Variants in ZC3H18 observed in about 807,000 individuals in gnomAD.
ZC3H18 encodes zinc finger CCCH-type containing 18.
ZC3H18 carries 8 observed loss-of-function variants against 106.1 expected under a neutral mutation model. That is an observed-to-expected ratio of 0.08 (90% CI 0.04 to 0.14). ZC3H18 has a LOEUF of 0.14. Among genes scored for constraint, ZC3H18 ranks in the 10% least tolerant of loss-of-function variants. The pLI is 1.00. For missense variants in ZC3H18, 1,318 were observed against 1,278.4 expected (o/e 1.03, Z -0.47); for synonymous variants, 635 against 522.1 (o/e 1.22, Z -2.95).
At position 88,622,219 on chromosome 16, in the gene ZC3H18, A is replaced by G; in HGVS notation, c.1498A>G (p.Lys500Glu). Reference sequence around the variant, plus strand: ...CAGCCGCCAAGCTGAGCCACCAAAGAAGGAGGCTGCCACCACGGGGCCGCA... The same window carrying G: ...CAGCCGCCAAGCTGAGCCACCAAAGGAGGAGGCTGCCACCACGGGGCCGCA... ...PPSRQAEPPK[K>E]EAATTGPQVK... is the part of the protein sequence containing the mutation. Residue 500 changes from lysine to glutamate, a missense_variant, in exon 9 of 18, where the codon AAG becomes GAG. Physicochemically the swap from Lys to Glu is moderately conservative, Grantham distance 56. Coordinates refer to ENST00000301011, the MANE Select transcript of ZC3H18 (RefSeq NM_144604.4). 1 of 1,610,476 alleles carries G rather than the reference A, an allele frequency of 6.2e-7. No homozygotes were observed. Among genetic ancestry groups the G allele is most frequent in the Non-Finnish European group, 8.5e-7 (1 of 1,177,562 alleles).
intron 2 of ZC3H18, among the ~76,000 whole-genome samples, chr16:88,582,547 G>A (rs1915199661): frequency 6.6e-6 from 1 of 152,136 alleles, no homozygotes; most frequent in African/African-American, 2.4e-5. Flanking sequence ...TCCACTTCAA[G>A]TGGGGTTCTC....
intron 10 of ZC3H18, 35 bp from the exon 11 acceptor site, chr16:88,623,923 C>G (rs759232535): frequency 6.3e-7 from 1 of 1,580,638 alleles, no homozygotes; most frequent in Non-Finnish European, 8.6e-7. Flanking sequence ...GAAACACCCC[C>G]AGGCCCCTTC....
intron 1 of ZC3H18, among the ~76,000 whole-genome samples, chr16:88,574,852 C>T (rs796800010): frequency 3.5e-5 from 5 of 141,108 alleles, no homozygotes; most frequent in Admixed American, 7.2e-5. Flanking sequence ...TTTTTTGAGA[C>T]GGAGTCTCGC....
chr16:88,607,725 C>G (rs777370250), intron 6 of ZC3H18, among the ~76,000 whole-genome samples: 1 of 151,938 alleles, frequency 6.6e-6, no homozygotes, highest in Admixed American at 6.6e-5. Flanking sequence ...TTCACACACA[C>G]TTCATGTCTC....
chr16:88,571,044 G>A (rs906315033), intron 1 of ZC3H18, among the ~76,000 whole-genome samples: 3 of 152,342 alleles, frequency 2.0e-5, no homozygotes, highest in East Asian at 3.9e-4. Context: ...CACAGGTTGG[G>A]CGCAGTGATT....
chr16:88,616,602 C>G (rs1200371385), intron 8 of ZC3H18, among the ~76,000 whole-genome samples: 1 of 151,772 alleles, frequency 6.6e-6, no homozygotes, highest in Non-Finnish European at 1.5e-5. Flanking sequence ...TCTCCCTTAT[C>G]AGCCAGAACT....
rs767384614 is a variant in ZC3H18 at position 88,598,609 on chromosome 16, T to C, written c.838-11T>C. ...TACTTTCTCACCTTCTCCCTTCTCG[T>C]TTTTCAATAGGGTGGGCCGGTAGTT... On this transcript the variant is annotated splice_polypyrimidine_tract_variant and intron_variant, in intron 4 of 17. Coordinates refer to ENST00000301011, the MANE Select transcript of ZC3H18 (RefSeq NM_144604.4). 1.2e-6 allele frequency: 2 copies of C among 1,603,428 alleles called. No individual in the cohort carries two copies.
intron 8 of ZC3H18, among the ~76,000 whole-genome samples, chr16:88,612,502 T>TA (rs759451397): frequency 0.035 from 4,680 of 132,904 alleles, 118 homozygotes; most frequent in African/African-American, 0.064. Context: ...CATCTCTATT[T>TA]AAAAAAAAAA....
Position 88,577,377 on chromosome 16 carries a change from T to G in ZC3H18, c.254T>G (p.Val85Gly). ...EPKSQDQDSE[V>G]NELSRGPTSS... ...AAATCCCAAGACCAGGACTCAGAGG[T>G]GAATGAGCTGAGCCGGGGCCCGACC... The change falls in exon 2 of 18, where the codon GTG becomes GGG. Residue 85 changes from valine to glycine, a missense_variant. Transcript: ENST00000301011. The G allele has an allele frequency of 6.3e-7, 1 of 1,595,444 alleles. No homozygotes were observed. Among genetic ancestry groups the G allele is most frequent in the Non-Finnish European group, 8.6e-7 (1 of 1,169,090 alleles).
At position 88,577,189 on chromosome 16, in the gene ZC3H18, A is replaced by T. The variant is rs776097742; in HGVS notation, c.66A>T (p.Gly22=). 2 of 1,608,502 alleles carry T rather than the reference A, an allele frequency of 1.2e-6. No homozygotes were observed. Among genetic ancestry groups the T allele is most frequent in the Admixed American group, 3.4e-5 (2 of 59,400 alleles). ...CAGAGGATGAAGAGCAGCCACAGGG[A>T]CTCTCGGACGATGACATTCTGAGGG... is the stretch of plus-strand genomic sequence containing the variant. The part of the protein sequence containing the change: ...HSPEDEEQPQ[G]LSDDDILRDS... Residue 22 remains glycine, a synonymous_variant, in exon 2 of 18, where the codon GGA becomes GGT. Coordinates refer to ENST00000301011, the MANE Select transcript of ZC3H18 (RefSeq NM_144604.4).
chr16:88,575,546 G>T (rs1458071272), intron 1 of ZC3H18, among the ~76,000 whole-genome samples: 6 of 151,926 alleles, frequency 3.9e-5, no homozygotes, highest in Non-Finnish European at 8.8e-5. Context: ...GGCAGGTGTT[G>T]CCGTTCTACA....
At chr16:88,623,633 G>T (rs1213359791) in intron 10 of ZC3H18, 8 of 564,494 alleles carry the variant, frequency 1.4e-5, no homozygotes, top group South Asian at 4.5e-5. Context: ...GCCAGACCCA[G>T]CCCTGTCCTG....
intron 8 of ZC3H18, among the ~76,000 whole-genome samples, chr16:88,619,467 A>G (rs1905824631): frequency 6.6e-6 from 1 of 152,056 alleles, no homozygotes; most frequent in South Asian, 2.1e-4. Flanking sequence ...GAGATGGTGC[A>G]GGCCCGTCCA....
At chr16:88,622,694 C>T in intron 9 of ZC3H18, 1 of 385,978 alleles carries the variant, frequency 2.6e-6, no homozygotes, top group South Asian at 3.4e-5. Flanking sequence ...ACGCACAGAC[C>T]TGGGGCCCAG....
Position 88,627,836 on chromosome 16 carries a change from C to T in ZC3H18, c.2269+54C>T. Reference sequence around the variant, plus strand: ...AGCAGCTCCCGGGGGAGGAGGGCGGCATCAGCACAGACTTTGCCTGGCTGT... The same window carrying T: ...AGCAGCTCCCGGGGGAGGAGGGCGGTATCAGCACAGACTTTGCCTGGCTGT... On this transcript the variant is annotated intron_variant, in intron 14 of 17. Transcript: ENST00000301011. The surrounding 1 kb of genome is among the most constrained non-coding windows in gnomAD (Gnocchi z 4.5). 1 of 1,611,244 alleles carries T rather than the reference C, an allele frequency of 6.2e-7. No homozygotes were observed. The highest frequency in any genetic ancestry group is 8.5e-7 in the Non-Finnish European group (1 of 1,178,108).
intron 3 of ZC3H18, among the ~76,000 whole-genome samples, chr16:88,588,588 G>T (rs1915569584): frequency 6.6e-6 from 1 of 152,198 alleles, no homozygotes; most frequent in Non-Finnish European, 1.5e-5. Flanking sequence ...AGAATTGGAA[G>T]GTGGTGCCCC....
In ZC3H18 at chr16:88,622,236, G is replaced by A. The variant is rs747979345; in HGVS notation, c.1515G>A (p.Thr505=). The A allele has an allele frequency of 1.9e-5, 30 of 1,612,506 alleles. No individual in the cohort carries two copies. In the African/African-American group the frequency reaches 3.6e-4, roughly 19 times the overall value. The change falls in exon 9 of 18, where the codon ACG becomes ACA. Residue 505 remains threonine (T), a synonymous_variant. Transcript: ENST00000301011. ...CACCAAAGAAGGAGGCTGCCACCAC[G>A]GGGCCGCAGGTGAAGAGAGCAGATG... ...AEPPKKEAAT[T]GPQVKRADEW...
chr16:88,571,757 T>C, intron 1 of ZC3H18: 8 of 877,620 alleles, frequency 9.1e-6, no homozygotes, highest in Non-Finnish European at 1.1e-5. Flanking sequence ...AGTACCTCTT[T>C]ATCAAGGAGT....
intron 2 of ZC3H18, among the ~76,000 whole-genome samples, chr16:88,582,864 C>T (rs546681034): frequency 1.3e-5 from 2 of 152,178 alleles, no homozygotes; most frequent in Admixed American, 6.5e-5. Context: ...GGAGGGTCCC[C>T]GAGACCTCTG....
Sources: allele counts gnomAD v4.1 joint callset (sites outside exome capture counted in the v4.1 genomes callset), GRCh38; gene constraint gnomAD v4.1.1; non-coding constraint Gnocchi (gnomAD v3.1); transcripts MANE v1.5; gene names NCBI Gene and HGNC (gene_info 2026-07-23, HGNC 2026-07-21).